The following BRINP1 variants were observed in gnomAD, a reference collection of about 807,000 sequenced individuals.
The protein encoded by BRINP1 is BMP/retinoic acid inducible neural specific 1.
A neutral mutation model predicts 72.9 loss-of-function variants in BRINP1; 17 were observed. That is an observed-to-expected ratio of 0.23 (90% CI 0.16 to 0.35). The LOEUF is 0.35. Among genes scored for constraint, BRINP1 ranks in the 10% least tolerant of loss-of-function variants. The pLI is 1.00. For missense variants in BRINP1, 850 were observed against 1,001.6 expected (o/e 0.85, Z 2.04); for synonymous variants, 418 against 378.5 (o/e 1.10, Z -1.21).
chr9:119,360,250 C>T (rs905306603), intron 1 of BRINP1, among the ~76,000 whole-genome samples: 4 of 152,208 alleles, frequency 2.6e-5, no homozygotes, highest in African/African-American at 9.7e-5. Flanking sequence ...CAACCCTTGC[C>T]AGGTAATCTA....
chr9:119,308,626 T>C (rs1406327175), intron 2 of BRINP1, among the ~76,000 whole-genome samples: 3 of 152,178 alleles, frequency 2.0e-5, no homozygotes, highest in Non-Finnish European at 1.5e-5. Flanking sequence ...CACGAAGAAA[T>C]TATCAGGACA....
At chr9:119,217,630 C>G (rs1399897865) in intron 5 of BRINP1, among the ~76,000 whole-genome samples, 1 of 152,166 alleles carries the variant, frequency 6.6e-6, no homozygotes, top group Non-Finnish European at 1.5e-5. Flanking sequence ...TCTTCCTTCT[C>G]TTTTCCTGAT....
chr9:119,301,317 T>C (rs1190268267), intron 2 of BRINP1, among the ~76,000 whole-genome samples: 1 of 152,186 alleles, frequency 6.6e-6, no homozygotes, highest in African/African-American at 2.4e-5. Flanking sequence ...TTACTTAAGG[T>C]ATGGTTTTGC....
intron 1 of BRINP1, among the ~76,000 whole-genome samples, chr9:119,347,614 C>T (rs1027708286): frequency 6.6e-6 from 1 of 152,028 alleles, no homozygotes; most frequent in Admixed American, 6.6e-5. Context: ...TGTTACTTCA[C>T]CCTGTTATTC....
intron 1 of BRINP1, among the ~76,000 whole-genome samples, chr9:119,351,071 C>A (rs967759209): frequency 6.6e-6 from 1 of 151,990 alleles, no homozygotes; most frequent in Admixed American, 6.6e-5. Flanking sequence ...CTTGTCTTGC[C>A]CCCCAACCCC....
chr9:119,173,347 CAG>C (rs1379341970), intron 7 of BRINP1, among the ~76,000 whole-genome samples: 1 of 145,684 alleles, frequency 6.9e-6, no homozygotes, highest in African/African-American at 2.6e-5. Flanking sequence ...AACAGACAAA[CAG>C]AGAGCCAAAT....
At position 119,368,717 on chromosome 9, in the gene BRINP1, C is replaced by T. The variant is rs1242303696; in HGVS notation, c.-51+339G>A. Among the ~76,000 whole-genome samples the T allele has an allele frequency of 6.6e-6, 1 of 152,156 alleles. No individual in the cohort carries two copies. Among genetic ancestry groups the T allele is most frequent in the Non-Finnish European group, 1.5e-5 (1 of 68,034 alleles). On this transcript the variant is annotated intron_variant, in intron 1 of 7. Transcript: ENST00000265922. This position sits in a 1 kb window ranked among gnomAD's most constrained non-coding sequence, Gnocchi z 4.7. Reference sequence around the variant, plus strand: ...CACCCCTCCCTTACACACACGGACACACACACACACCACGAACACACGCAT... The same window carrying T: ...CACCCCTCCCTTACACACACGGACATACACACACACCACGAACACACGCAT...
chr9:119,172,498 C>A (rs576343792), intron 7 of BRINP1, among the ~76,000 whole-genome samples: 6 of 151,722 alleles, frequency 4.0e-5, no homozygotes, highest in African/African-American at 1.5e-4. Flanking sequence ...AATAGCTTAC[C>A]AACCAAAAAG....
chr9:119,336,443 C>A (rs943214622), intron 1 of BRINP1, among the ~76,000 whole-genome samples: 1 of 152,098 alleles, frequency 6.6e-6, no homozygotes, highest in African/African-American at 2.4e-5. Flanking sequence ...CTTCTCATTA[C>A]TCCGAGAGCA....
intron 1 of BRINP1, among the ~76,000 whole-genome samples, chr9:119,360,853 G>A (rs1003854015): frequency 1.3e-5 from 2 of 152,052 alleles, no homozygotes. Flanking sequence ...TGTTCACATA[G>A]GCCATTTGCT....
chr9:119,262,811 C>T (rs1830511319), intron 2 of BRINP1, among the ~76,000 whole-genome samples: 1 of 152,030 alleles, frequency 6.6e-6, no homozygotes. Context: ...GTAAAATGAA[C>T]AGTTGGAGTG....
intron 1 of BRINP1, among the ~76,000 whole-genome samples, chr9:119,349,784 T>C (rs757957862): frequency 1.3e-5 from 2 of 152,102 alleles, no homozygotes; most frequent in Non-Finnish European, 2.9e-5. Flanking sequence ...GGAGGGGAAG[T>C]GCAGAGGGGA....
chr9:119,351,959 C>G (rs1831511913), intron 1 of BRINP1, among the ~76,000 whole-genome samples: 2 of 152,036 alleles, frequency 1.3e-5, no homozygotes, highest in Non-Finnish European at 1.5e-5. Context: ...GCATCCACCA[C>G]CATGCCCAGC....
chr9:119,261,438 G>A (rs998049183), intron 2 of BRINP1, among the ~76,000 whole-genome samples: 2 of 152,118 alleles, frequency 1.3e-5, no homozygotes, highest in African/African-American at 4.8e-5. Flanking sequence ...GGTTTTTCCA[G>A]CTCTGAGTTC....
intron 7 of BRINP1, among the ~76,000 whole-genome samples, chr9:119,173,395 G>T (rs1321953160): frequency 1.4e-5 from 2 of 146,204 alleles, no homozygotes; most frequent in East Asian, 2.0e-4. Context: ...GCTTCAAAGA[G>T]AATAAAATAC....
intron 6 of BRINP1, among the ~76,000 whole-genome samples, chr9:119,210,737 C>G: frequency 6.6e-6 from 1 of 152,188 alleles, no homozygotes; most frequent in East Asian, 1.9e-4. Context: ...GTTAGACAGG[C>G]AAGAGTTGGA....
In BRINP1 at chr9:119,364,262, T is replaced by C. The variant is rs1023103585; in HGVS notation, c.-51+4794A>G. 2.6e-5 allele frequency among the ~76,000 whole-genome samples: 4 copies of C among 152,120 alleles called. No homozygotes were observed. In the East Asian group the frequency reaches 5.8e-4, roughly 22 times the overall value. Reference sequence around the variant, plus strand: ...TTGTGTGATTTCAGAGACATATGGATAGAAGGATGATTTAGGGGCAAAGTA... The same window carrying C: ...TTGTGTGATTTCAGAGACATATGGACAGAAGGATGATTTAGGGGCAAAGTA... On this transcript the variant is annotated intron_variant, in intron 1 of 7. Coordinates refer to ENST00000265922, the MANE Select transcript of BRINP1 (RefSeq NM_014618.3).
intron 5 of BRINP1, among the ~76,000 whole-genome samples, chr9:119,228,029 A>G (rs1367933915): frequency 6.6e-6 from 1 of 151,966 alleles, no homozygotes. Context: ...GAAAATAGTC[A>G]TCTTCGCTCC....
chr9:119,170,133 A>G (rs532836482), intron 7 of BRINP1, among the ~76,000 whole-genome samples: 146 of 152,242 alleles, frequency 9.6e-4, no homozygotes, highest in African/African-American at 3.3e-3. Context: ...TGGATGGAGA[A>G]TGACTTTGAC....
Sources: gnomAD v4.1 joint callset for allele counts (sites outside exome capture counted in the v4.1 genomes callset) on GRCh38, gnomAD v4.1.1 for gene constraint, Gnocchi (gnomAD v3.1) non-coding constraint, MANE v1.5 for transcripts, NCBI Gene and HGNC (gene_info 2026-07-23, HGNC 2026-07-21) for gene names.